ABCC1: variants seen among roughly 807,000 people sequenced by gnomAD.
ABCC1 encodes the protein ATP binding cassette subfamily C member 1 (ABCC1 blood group), also known as multidrug resistance-associated protein 1.
ABCC1 carries 83 observed loss-of-function variants against 172.9 expected under a neutral mutation model. The ratio of observed to expected loss-of-function variants is 0.48; its 90% confidence interval spans 0.40 to 0.58. The LOEUF is 0.58. Ranked by LOEUF, ABCC1 falls within the 20% of genes least tolerant of loss-of-function variation. ABCC1 has a pLI of 0.00. For synonymous variants in ABCC1, 937 were observed against 825.2 expected, an observed-to-expected ratio of 1.14 and a Z score of -2.32; for missense variants, 1,817 against 2,002.7, an observed-to-expected ratio of 0.91 and a Z score of 1.77.
intron 27 of ABCC1, among the ~76,000 whole-genome samples, chr16:16,133,969 A>G (rs536816813): frequency 6.6e-6 from 1 of 152,082 alleles, no homozygotes; most frequent in Non-Finnish European, 1.5e-5. Flanking sequence ...ATGATGGGAA[A>G]CTCACCATCA....
rs1050919630 is a variant in ABCC1, at chr16:16,142,520, G to C, written c.*1239G>C. 6.6e-6 allele frequency: 1 copy of C among 152,256 alleles called. No homozygotes were observed. Among genetic ancestry groups the C allele is most frequent in the East Asian group, 1.9e-4 (1 of 5,178 alleles). The allele number at this position is 152,256 out of a possible 1,614,324, so 9.4% of individuals were successfully genotyped here. A position where few individuals can be genotyped will look rare whatever the true frequency, so the allele number is the denominator to read the frequency against. On this transcript the variant is annotated 3_prime_UTR_variant, in exon 31 of 31. Transcript: ENST00000399410. ...TTGGCATCCGGTTAGCCCCCCAGGG[G>C]GGGCAGCATTGTGGAGAACTTGATA...
At chr16:16,001,752 T>G (rs1399191057) in intron 1 of ABCC1, among the ~76,000 whole-genome samples, 6 of 152,234 alleles carry the variant, frequency 3.9e-5, no homozygotes, top group Admixed American at 1.3e-4. Context: ...AAACTTGTTA[T>G]CTGCTGTGCT....
At chr16:15,980,802 T>G (rs551385680) in intron 1 of ABCC1, among the ~76,000 whole-genome samples, 21 of 152,174 alleles carry the variant, frequency 1.4e-4, no homozygotes, top group Non-Finnish European at 2.8e-4. Context: ...CCCAGAGTCT[T>G]AGCTCATTCC....
intron 27 of ABCC1, among the ~76,000 whole-genome samples, chr16:16,132,238 A>G (rs189794318): frequency 1.4e-4 from 22 of 152,164 alleles, no homozygotes; most frequent in Admixed American, 3.9e-4. Context: ...TACCCAGGCT[A>G]GAGTGCAGTG....
chr16:16,139,611 C>CAAAGA (rs2046054014), intron 30 of ABCC1, among the ~76,000 whole-genome samples: 1 of 57,348 alleles, frequency 1.7e-5, no homozygotes, highest in Non-Finnish European at 2.9e-5. Flanking sequence ...GACTCCATCT[C>CAAAGA]AAAAAAAAAA....
At chr16:16,102,226 C>G (rs1484673185) in intron 19 of ABCC1, among the ~76,000 whole-genome samples, 4 of 152,186 alleles carry the variant, frequency 2.6e-5, no homozygotes, top group African/African-American at 9.6e-5. Context: ...TCTTTCAATG[C>G]TTGGGAATCA....
intron 13 of ABCC1, 111 bp from the exon 14 acceptor site, chr16:16,071,531 G>A (rs1460275211): frequency 1.4e-6 from 1 of 738,818 alleles, no homozygotes; most frequent in Non-Finnish European, 2.3e-6. Flanking sequence ...CAGAAATAAG[G>A]GAGGGTGTGT....
chr16:16,061,311 A>C (rs1291148124), intron 12 of ABCC1, among the ~76,000 whole-genome samples: 1 of 152,246 alleles, frequency 6.6e-6, no homozygotes, highest in East Asian at 1.9e-4. Flanking sequence ...ATACAGCCGG[A>C]CTTCGCACGT....
At chr16:16,045,227 C>T (rs891339518) in intron 8 of ABCC1, among the ~76,000 whole-genome samples, 3 of 151,624 alleles carry the variant, frequency 2.0e-5, no homozygotes, top group Non-Finnish European at 4.4e-5. Context: ...CATGGTAAAA[C>T]CATCTGCTAA....
chr16:16,105,622 G>A (rs1370857972), intron 20 of ABCC1, among the ~76,000 whole-genome samples: 3 of 152,066 alleles, frequency 2.0e-5, no homozygotes, highest in African/African-American at 7.2e-5. Context: ...TTGTGCAGGA[G>A]ATAAGTGGGT....
chr16:16,036,420 CT>C (rs1319398851), intron 6 of ABCC1, 51 bp from the exon 7 acceptor site: 2 of 1,569,148 alleles, frequency 1.3e-6, no homozygotes, highest in African/African-American at 1.4e-5. Flanking sequence ...CGTCCTCCCC[CT>C]CCTCCTGTCA....
intron 1 of ABCC1, among the ~76,000 whole-genome samples, chr16:15,998,778 T>A (rs1014649150): frequency 2.4e-4 from 36 of 152,180 alleles, no homozygotes; most frequent in African/African-American, 8.4e-4. Context: ...TTCTGTAGCT[T>A]ACTTTCTTGC....
At position 16,079,467 on chromosome 16, in the gene ABCC1, G is replaced by T; in HGVS notation, c.2104G>T (p.Val702Leu). The change falls in exon 16 of 31, where the codon GTG (valine) becomes TTG (leucine). Residue 702 changes from valine to leucine, a missense_variant. Transcript: ENST00000399410. ...TGAGATGGACAAAGTGGAGGGGCAC[G>T]TGGCTATCAAGGTAGGATGAGGACC... Reference protein sequence around the residue: ...LAEMDKVEGHVAIKGSVAYVP... With the variant: ...LAEMDKVEGHLAIKGSVAYVP... 6.2e-7 allele frequency: 1 copy of T among 1,612,922 alleles called. No homozygotes were observed. Among genetic ancestry groups the T allele is most frequent in the Non-Finnish European group, 8.5e-7 (1 of 1,179,122 alleles).
chr16:16,013,443 G>T (rs1440822568), intron 3 of ABCC1, among the ~76,000 whole-genome samples: 1 of 151,888 alleles, frequency 6.6e-6, no homozygotes, highest in Non-Finnish European at 1.5e-5. Flanking sequence ...GCTAATTTTT[G>T]TATTTTTAGT....
In ABCC1 at chr16:15,966,667, T is replaced by C. The variant is rs557742381; in HGVS notation, c.48+16868T>C. Among the ~76,000 whole-genome samples the C allele has an allele frequency of 7.3e-5, 11 of 150,908 alleles. 1 individual carries two copies. Among genetic ancestry groups the C allele is most frequent in the Non-Finnish European group, 1.6e-4 (11 of 67,700 alleles). ...TCTCTCTCTCTTTTTTTTTTTTTTT[T>C]AGAGACAGAGACTCACTCTGTTGCC... On this transcript the variant is annotated intron_variant, in intron 1 of 30. Transcript: ENST00000399410.
intron 18 of ABCC1, among the ~76,000 whole-genome samples, chr16:16,088,618 G>A (rs1045260955): frequency 1.3e-5 from 2 of 152,150 alleles, no homozygotes; most frequent in Admixed American, 6.6e-5. Flanking sequence ...AATCTAAACA[G>A]GAAGAATATT....
At chr16:16,076,486 C>A in intron 15 of ABCC1, 85 bp downstream of exon 15, 1 of 1,322,742 alleles carries the variant, frequency 7.6e-7, no homozygotes, top group Non-Finnish European at 1.0e-6. Flanking sequence ...CCACCGTGCT[C>A]CCTCTCTGTG....
At chr16:15,987,463 T>C (rs1395402370) in intron 1 of ABCC1, among the ~76,000 whole-genome samples, 1 of 152,194 alleles carries the variant, frequency 6.6e-6, no homozygotes, top group African/African-American at 2.4e-5. Context: ...GCTTTGGCAC[T>C]GTTGACATTT....
chr16:16,025,930 G>T (rs1360612861), intron 5 of ABCC1, among the ~76,000 whole-genome samples: 1 of 152,218 alleles, frequency 6.6e-6, no homozygotes, highest in Non-Finnish European at 1.5e-5. Context: ...CAGTGTCTGA[G>T]GCTGGGAAAC....
Sources: allele counts gnomAD v4.1 joint callset (sites outside exome capture counted in the v4.1 genomes callset), GRCh38; gene constraint gnomAD v4.1.1; transcripts MANE v1.5; gene names NCBI Gene and HGNC (gene_info 2026-07-23, HGNC 2026-07-21).